The following SLC10A7 variants were observed in gnomAD, a reference collection of about 807,000 sequenced individuals.
SLC10A7 encodes the protein sodium/bile acid cotransporter 7.
SLC10A7 carries 29 observed loss-of-function variants against 43.2 expected under a neutral mutation model. The observed-to-expected ratio is 0.67, with a 90% CI of 0.50 to 0.92. The LOEUF (loss-of-function observed/expected upper bound fraction) is 0.92. Ranked by LOEUF, SLC10A7 falls within the 40% of genes least tolerant of loss-of-function variation. The probability of loss-of-function intolerance (pLI) is 0.00; values close to 1 mark genes in which losing one functional copy is unlikely to be tolerated. For synonymous variants in SLC10A7, 152 were observed against 144.8 expected (o/e 1.05, Z -0.35); for missense variants, 295 against 403.2 (o/e 0.73, Z 2.30).
intron 5 of SLC10A7, among the ~76,000 whole-genome samples, chr4:146,354,562 A>T (rs1735418700): frequency 6.7e-6 from 1 of 148,228 alleles, no homozygotes; most frequent in Admixed American, 6.7e-5. Flanking sequence ...TGGAACCAAA[A>T]AAGAGCCCGC....
intron 9 of SLC10A7, among the ~76,000 whole-genome samples, chr4:146,286,249 T>A (rs1461858405): frequency 1.6e-3 from 69 of 41,958 alleles, no homozygotes; most frequent in African/African-American, 6.7e-3. Context: ...AGAAGGATCA[T>A]GTTTGGAGTG....
chr4:146,310,216 T>C (rs1304985849), intron 6 of SLC10A7, among the ~76,000 whole-genome samples: 3 of 152,180 alleles, frequency 2.0e-5, no homozygotes, highest in Non-Finnish European at 4.4e-5. Context: ...CTTTATCTAA[T>C]CCACTGTTGA....
At chr4:146,388,524 T>G (rs975057868) in intron 5 of SLC10A7, among the ~76,000 whole-genome samples, 1 of 152,102 alleles carries the variant, frequency 6.6e-6, no homozygotes, top group Non-Finnish European at 1.5e-5. Context: ...TTTGGGAGGC[T>G]GAGGCGGGTG....
chr4:146,404,952 C>G lies in SLC10A7; in HGVS notation c.435+37831G>C, dbSNP rs146177898. On this transcript the variant is annotated intron_variant, in intron 5 of 11. Transcript: ENST00000335472. ...AGGAATTATCTTTCTAGGTCAGGTC[C>G]CATCTCGCCTAACCAGTGCAAAATT... Among the ~76,000 whole-genome samples, 315 of 152,176 alleles carry G rather than the reference C, an allele frequency of 2.1e-3. 3 individuals carry two copies. Among genetic ancestry groups the G allele is most frequent in the African/African-American group, 6.3e-3 (263 of 41,494 alleles).
chr4:146,467,989 G>T (rs1579265723), intron 4 of SLC10A7, among the ~76,000 whole-genome samples: 2 of 152,312 alleles, frequency 1.3e-5, no homozygotes, highest in East Asian at 1.9e-4. Context: ...GGTGGGAGAA[G>T]AGAGATATTA....
At chr4:146,429,353 A>G (rs1729604531) in intron 5 of SLC10A7, among the ~76,000 whole-genome samples, 1 of 152,170 alleles carries the variant, frequency 6.6e-6, no homozygotes, top group Non-Finnish European at 1.5e-5. Flanking sequence ...AGATAAATGA[A>G]GAGAGATTAA....
intron 4 of SLC10A7, among the ~76,000 whole-genome samples, chr4:146,492,777 A>G (rs1735572737): frequency 6.6e-6 from 1 of 152,248 alleles, no homozygotes; most frequent in African/African-American, 2.4e-5. Context: ...AAAATAGATC[A>G]TATTTCACCA....
rs1733806663 is a variant in SLC10A7 at position 146,335,250 on chromosome 4, GTAAAAAAAAAAAAAA to G, written c.436-9269_436-9255del. 4.2e-5 allele frequency among the ~76,000 whole-genome samples: 3 copies of G among 70,624 alleles called. No individual in the cohort carries two copies. The South Asian group carries it at 2.0e-3, about 47-fold the overall frequency. 46.3% of individuals were successfully genotyped at this position (70,624 alleles called of 152,430 possible). A position where few individuals can be genotyped will look rare whatever the true frequency, so the allele number is the denominator to read the frequency against. ...TCATTAAAGTGTTGCCACAGATGTT[GTAAAAAAAAAAAAAA>G]AAAAAAAAAAAAAAAAGAGTCCTGG... On this transcript the variant is annotated intron_variant, in intron 5 of 11. Transcript: ENST00000335472.
intron 3 of SLC10A7, among the ~76,000 whole-genome samples, chr4:146,506,584 C>T (rs1226110162): frequency 1.3e-5 from 2 of 152,090 alleles, no homozygotes; most frequent in Admixed American, 1.3e-4. Flanking sequence ...CTTAAAGTAA[C>T]CAGTAATCCC....
chr4:146,322,101 T>C (rs1408941781), intron 6 of SLC10A7, among the ~76,000 whole-genome samples: 1 of 152,118 alleles, frequency 6.6e-6, no homozygotes, highest in Non-Finnish European at 1.5e-5. Flanking sequence ...ACAACTAAAG[T>C]TCATGAGCCT....
intron 4 of SLC10A7, among the ~76,000 whole-genome samples, chr4:146,451,255 A>T (rs1322892176): frequency 1.3e-5 from 2 of 149,864 alleles, no homozygotes; most frequent in Non-Finnish European, 3.0e-5. Flanking sequence ...AAAAAACAAA[A>T]AAAAACCAGG....
intron 5 of SLC10A7, among the ~76,000 whole-genome samples, chr4:146,428,016 TA>T (rs111913486): frequency 7.9e-4 from 116 of 147,430 alleles, no homozygotes; most frequent in Non-Finnish European, 1.2e-3. Context: ...TACAAAAAAT[TA>T]AAAAAAAAAA....
chr4:146,286,675 C>CGTGTCTGGAGTGGTGAGAAGGACT (rs1560763973), intron 9 of SLC10A7, among the ~76,000 whole-genome samples: 16 of 58,014 alleles, frequency 2.8e-4, no homozygotes, highest in Admixed American at 6.8e-4. Context: ...TGAGAAGGAC[C>CGTGTCTGGAGTGGTGAGAAGGACT]GTGTCTGGAG....
At chr4:146,454,849 C>T (rs1731917510) in intron 4 of SLC10A7, among the ~76,000 whole-genome samples, 1 of 151,676 alleles carries the variant, frequency 6.6e-6, no homozygotes, top group Non-Finnish European at 1.5e-5. Context: ...TGGGTATAAC[C>T]CAGAATACCA....
chr4:146,467,510 T>C (rs1473576043), intron 4 of SLC10A7, among the ~76,000 whole-genome samples: 1 of 145,930 alleles, frequency 6.9e-6, no homozygotes, highest in Non-Finnish European at 1.5e-5. Context: ...CACACACAAA[T>C]ACTTTTTTAC....
intron 5 of SLC10A7, among the ~76,000 whole-genome samples, chr4:146,340,595 T>G (rs1734198537): frequency 6.6e-6 from 1 of 150,814 alleles, no homozygotes; most frequent in African/African-American, 2.4e-5. Context: ...ACCTGGACAT[T>G]TCTATGGTGA....
intron 4 of SLC10A7, among the ~76,000 whole-genome samples, chr4:146,500,842 C>G (rs1579349869): frequency 6.6e-6 from 1 of 152,176 alleles, no homozygotes; most frequent in East Asian, 1.9e-4. Context: ...AATGCTCCAC[C>G]AAAACCACTG....
intron 5 of SLC10A7, among the ~76,000 whole-genome samples, chr4:146,377,034 T>G (rs111925113): frequency 0.01 from 1,597 of 152,272 alleles, 23 homozygotes; most frequent in African/African-American, 0.036. Context: ...TGGACCAGTA[T>G]AAGCATGCCA....
At chr4:146,487,559 T>C (rs941692475) in intron 4 of SLC10A7, among the ~76,000 whole-genome samples, 1 of 152,232 alleles carries the variant, frequency 6.6e-6, no homozygotes, top group East Asian at 1.9e-4. Flanking sequence ...GGCTGATTTA[T>C]GGAGTTTTGT....
Sources: allele counts gnomAD v4.1 joint callset (sites outside exome capture counted in the v4.1 genomes callset), GRCh38; gene constraint gnomAD v4.1.1; transcripts MANE v1.5; gene names NCBI Gene and HGNC (gene_info 2026-07-23, HGNC 2026-07-21).